Variants in ADAM10 observed in about 807,000 individuals in gnomAD.
The protein encoded by ADAM10 is disintegrin and metalloproteinase domain-containing protein 10.
In ADAM10, 17 loss-of-function variants were observed where a neutral mutation model predicts 90.1. The observed-to-expected ratio is 0.19, with a 90% CI of 0.13 to 0.28. The LOEUF (loss-of-function observed/expected upper bound fraction) is 0.28. Among genes scored for constraint, ADAM10 ranks in the 10% least tolerant of loss-of-function variants. The pLI, the probability that ADAM10 is intolerant of heterozygous loss-of-function variation, is 1.00. For synonymous variants in ADAM10, 310 were observed against 298.6 expected (o/e 1.04, Z -0.40); for missense variants, 610 against 914.3 (o/e 0.67, Z 4.29).
At chr15:58,704,582 T>C (rs1421509112) in intron 2 of ADAM10, among the ~76,000 whole-genome samples, 1 of 152,196 alleles carries the variant, frequency 6.6e-6, no homozygotes, top group Non-Finnish European at 1.5e-5. Context: ...TAAAAATCAC[T>C]GCATTCCAAA....
At chr15:58,691,389 T>A (rs7163162) in intron 2 of ADAM10, 336,308 of 791,544 alleles carry the variant, frequency 0.42, 82,888 homozygotes, top group East Asian at 0.87. Context: ...CTTCTTCCAC[T>A]CTTGCTCCAC....
At position 58,590,444 on chromosome 15, in the gene ADAM10, C is replaced by G. The variant is rs926985418; in HGVS notation, c.*7103G>C. Reference sequence around the variant, plus strand: ...GCACAATCAAGTGCCTAAGAAGTATCTGTGAGTAAGGTAACTGGTCAATGC... The same window carrying G: ...GCACAATCAAGTGCCTAAGAAGTATGTGTGAGTAAGGTAACTGGTCAATGC... On this transcript the variant is annotated 3_prime_UTR_variant, in exon 16 of 16. Transcript: ENST00000260408. 3.9e-5 allele frequency: 6 copies of G among 152,178 alleles called. No homozygotes were observed. Among genetic ancestry groups the G allele is most frequent in the Admixed American group, 1.3e-4 (2 of 15,282 alleles). 9.4% of individuals were successfully genotyped at this position (152,178 alleles called of 1,614,324 possible). A position where few individuals can be genotyped will look rare whatever the true frequency, so the allele number is the denominator to read the frequency against.
At chr15:58,648,805 C>A (rs1423484356) in intron 5 of ADAM10, among the ~76,000 whole-genome samples, 1 of 151,968 alleles carries the variant, frequency 6.6e-6, no homozygotes, top group African/African-American at 2.4e-5. Flanking sequence ...TAATGGAGAA[C>A]TAAACTTTTT....
intron 4 of ADAM10, among the ~76,000 whole-genome samples, chr15:58,671,450 A>G (rs867580988): frequency 1.3e-5 from 2 of 152,254 alleles, no homozygotes; most frequent in Non-Finnish European, 2.9e-5. Flanking sequence ...TGGTACAAAC[A>G]TAAATCTATG....
chr15:58,688,786 A>ATATATATATATC lies in ADAM10; in HGVS notation c.207-6473_207-6472insGATATATATATA. ...AAAAATTATATATATATATATATAT[A>ATATATATATATC]TCTCTCTCTCTCACTGGACTGACTT... On this transcript the variant is annotated intron_variant, in intron 2 of 15. Transcript: ENST00000260408. Among the ~76,000 whole-genome samples the ATATATATATATC allele has an allele frequency of 9.1e-4, 111 of 122,362 alleles. 1 individual carries two copies. Among genetic ancestry groups the ATATATATATATC allele is most frequent in the Middle Eastern group, 3.8e-3 (1 of 260 alleles). The allele number at this position is 122,362 out of a possible 152,430, so 80.3% of individuals were successfully genotyped here.
At chr15:58,721,722 C>T (rs1343573128) in intron 1 of ADAM10, among the ~76,000 whole-genome samples, 1 of 151,980 alleles carries the variant, frequency 6.6e-6, no homozygotes, top group African/African-American at 2.4e-5. Flanking sequence ...CCTGTCTCTA[C>T]AAAAAATTAA....
At chr15:58,703,626 G>A (rs12437552) in intron 2 of ADAM10, among the ~76,000 whole-genome samples, 27,589 of 152,126 alleles carry the variant, frequency 0.18, 2,712 homozygotes, top group East Asian at 0.43. Flanking sequence ...ACATTATGGT[G>A]AGTGACATGG....
chr15:58,689,108 T>C (rs1013515203), intron 2 of ADAM10, among the ~76,000 whole-genome samples: 1 of 152,196 alleles, frequency 6.6e-6, no homozygotes, highest in Non-Finnish European at 1.5e-5. Context: ...CAGTCACTGC[T>C]GAAAATCAGC....
intron 2 of ADAM10, chr15:58,691,244 C>T (rs1196624370): frequency 3.1e-6 from 3 of 970,314 alleles, no homozygotes; most frequent in Non-Finnish European, 5.0e-6. Context: ...CCTCCATTAT[C>T]TTCTTCTCCT....
At chr15:58,656,831 T>C (rs1055134676) in intron 5 of ADAM10, among the ~76,000 whole-genome samples, 2 of 152,208 alleles carry the variant, frequency 1.3e-5, no homozygotes, top group Admixed American at 6.5e-5. Context: ...TCACATCCTT[T>C]TCTTTCTGAC....
At chr15:58,734,144 A>G (rs1413334694) in intron 1 of ADAM10, among the ~76,000 whole-genome samples, 1 of 152,214 alleles carries the variant, frequency 6.6e-6, no homozygotes, top group Admixed American at 6.5e-5. Flanking sequence ...CTTACCATGT[A>G]CAGAACAATA....
intron 11 of ADAM10, among the ~76,000 whole-genome samples, chr15:58,612,671 A>G (rs1895477928): frequency 6.6e-6 from 1 of 152,012 alleles, no homozygotes; most frequent in Admixed American, 6.6e-5. Flanking sequence ...ACTGAGTCCT[A>G]TTGGCTCAGG....
At position 58,593,148 on chromosome 15, in the gene ADAM10, A is replaced by ATTTTTTTTTTTTTTTTTTT. The variant is rs1566960143; in HGVS notation, c.*4398_*4399insAAAAAAAAAAAAAAAAAAA. On this transcript the variant is annotated 3_prime_UTR_variant, in exon 16 of 16. Transcript: ENST00000260408. ...AAAAGTAACAAAGGCCAGGTACTCA[A>ATTTTTTTTTTTTTTTTTTT]ATTTTTTTTTTTTTTTTTTTTTTTT... 9.0e-6 allele frequency: 1 copy of ATTTTTTTTTTTTTTTTTTT among 110,510 alleles called. No homozygotes were observed. Among genetic ancestry groups the ATTTTTTTTTTTTTTTTTTT allele is most frequent in the Non-Finnish European group, 1.9e-5 (1 of 51,794 alleles). 6.8% of individuals were successfully genotyped at this position (110,510 alleles called of 1,614,324 possible).
chr15:58,745,356 G>A (rs886990899), intron 1 of ADAM10, among the ~76,000 whole-genome samples: 44 of 152,116 alleles, frequency 2.9e-4, no homozygotes, highest in African/African-American at 8.0e-4. Flanking sequence ...TTCTTAAATT[G>A]GTTTTTATTA....
At chr15:58,605,711 C>A (rs1405379870) in intron 14 of ADAM10, among the ~76,000 whole-genome samples, 1 of 152,062 alleles carries the variant, frequency 6.6e-6, no homozygotes, top group Non-Finnish European at 1.5e-5. Flanking sequence ...ACTTTAGGGA[C>A]AAAGAGAAGA....
chr15:58,626,625 G>A (rs1308735179), intron 10 of ADAM10, among the ~76,000 whole-genome samples: 2 of 152,144 alleles, frequency 1.3e-5, no homozygotes, highest in Non-Finnish European at 2.9e-5. Context: ...TTATTCAGCC[G>A]TGAAAAGGAA....
intron 5 of ADAM10, among the ~76,000 whole-genome samples, chr15:58,658,305 T>C (rs1450058389): frequency 1.3e-5 from 2 of 152,190 alleles, no homozygotes; most frequent in Non-Finnish European, 2.9e-5. Flanking sequence ...TTGGGACTTT[T>C]GCAAAAATCA....
At chr15:58,687,930 T>C (rs1286780299) in intron 2 of ADAM10, among the ~76,000 whole-genome samples, 1 of 152,146 alleles carries the variant, frequency 6.6e-6, no homozygotes, top group Non-Finnish European at 1.5e-5. Context: ...CATAAAGGGA[T>C]AGCACAAGGG....
Position 58,713,098 on chromosome 15 carries a change from T to C in ADAM10, c.206+4479A>G, listed in dbSNP as rs146296626. ...AGTATCTATGTACTTAAATGTTTTG[T>C]TGGTGGTGTTTTGTTTGTTGAGACA... is the stretch of plus-strand genomic sequence containing the variant. On this transcript the variant is annotated intron_variant, in intron 2 of 15. Coordinates refer to ENST00000260408, the MANE Select transcript of ADAM10 (RefSeq NM_001110.4). Among the ~76,000 whole-genome samples the C allele has an allele frequency of 3.3e-3, 508 of 152,290 alleles. 1 individual carries two copies. The highest frequency in any genetic ancestry group is 0.011 in the African/African-American group (448 of 41,564).
Sources: gnomAD v4.1 joint callset for allele counts (sites outside exome capture counted in the v4.1 genomes callset) on GRCh38, gnomAD v4.1.1 for gene constraint, MANE v1.5 for transcripts, NCBI Gene and HGNC (gene_info 2026-07-23, HGNC 2026-07-21) for gene names.